The following USH2A variants were observed in gnomAD, a reference collection of about 807,000 sequenced individuals.
The protein encoded by USH2A is Usher syndrome 2A (autosomal recessive, mild).
In USH2A, 443 loss-of-function variants were observed where a neutral mutation model predicts 538.9. The observed-to-expected ratio is 0.82, with a 90% CI of 0.76 to 0.89. The LOEUF (loss-of-function observed/expected upper bound fraction) is 0.89, where lower values mean the gene tolerates loss of function less well. Among genes scored for constraint, USH2A ranks in the 40% least tolerant of loss-of-function variants. The probability of loss-of-function intolerance (pLI) is 0.00; values close to 1 mark genes in which losing one functional copy is unlikely to be tolerated. For missense variants in USH2A, 6,633 were observed against 6,324.8 expected, an observed-to-expected ratio of 1.05 and a Z score of -1.65; for synonymous variants, 2,413 against 2,273.5, an observed-to-expected ratio of 1.06 and a Z score of -1.75.
Position 216,327,587 on chromosome 1 carries a change from T to A in USH2A, c.848+4A>T. 1 of 1,613,144 alleles carries A rather than the reference T, an allele frequency of 6.2e-7. No homozygotes were observed. Among genetic ancestry groups the A allele is most frequent in the Non-Finnish European group, 8.5e-7 (1 of 1,179,414 alleles). Reference sequence around the variant, plus strand: ...TTGAGGTTTACAATGCAACATCTGCTTACCTGTTTGTAAGTGCCACTTGGT... The same window carrying A: ...TTGAGGTTTACAATGCAACATCTGCATACCTGTTTGTAAGTGCCACTTGGT... On this transcript the variant is annotated splice_donor_region_variant and intron_variant, in intron 5 of 71. Coordinates refer to ENST00000307340, the MANE Select transcript of USH2A (RefSeq NM_206933.4).
chr1:215,664,164 G>A (rs1285592782), intron 64 of USH2A, among the ~76,000 whole-genome samples: 1 of 152,170 alleles, frequency 6.6e-6, no homozygotes, highest in Non-Finnish European at 1.5e-5. Flanking sequence ...GTTACTTGTA[G>A]TGAAATAGTC....
intron 33 of USH2A, among the ~76,000 whole-genome samples, chr1:215,999,725 C>T (rs765603336): frequency 6.6e-5 from 10 of 152,202 alleles, no homozygotes; most frequent in Non-Finnish European, 1.3e-4. Context: ...CGTGGCTTGG[C>T]TTAGGGGCAC....
chr1:215,696,247 A>T (rs1658803717), intron 61 of USH2A, among the ~76,000 whole-genome samples: 1 of 152,238 alleles, frequency 6.6e-6, no homozygotes, highest in South Asian at 2.1e-4. Flanking sequence ...AAAGGTCTTC[A>T]TCCTTGCCAT....
chr1:216,193,273 C>A (rs753697602), intron 19 of USH2A, among the ~76,000 whole-genome samples: 3 of 152,070 alleles, frequency 2.0e-5, no homozygotes, highest in Admixed American at 6.6e-5. Context: ...TATACCAGAT[C>A]GGTAGACTAA....
intron 37 of USH2A, among the ~76,000 whole-genome samples, chr1:215,949,812 A>T (rs1666868564): frequency 6.6e-6 from 1 of 152,146 alleles, no homozygotes. Context: ...TTAAAATTGT[A>T]ATGACTAAGA....
At chr1:216,003,097 CGTTT>C (rs1558205483) in intron 32 of USH2A, among the ~76,000 whole-genome samples, 3 of 151,874 alleles carry the variant, frequency 2.0e-5, no homozygotes, top group Non-Finnish European at 2.9e-5. Context: ...GGGAAGTGTC[CGTTT>C]CTATAACAAC....
intron 55 of USH2A, among the ~76,000 whole-genome samples, chr1:215,772,571 CA>C (rs1661322215): frequency 6.6e-6 from 1 of 152,104 alleles, no homozygotes; most frequent in Non-Finnish European, 1.5e-5. Flanking sequence ...AAAGGGACTG[CA>C]AAAAGTCTGC....
At chr1:215,898,278 C>G (rs1245123789) in intron 40 of USH2A, among the ~76,000 whole-genome samples, 2 of 152,176 alleles carry the variant, frequency 1.3e-5, no homozygotes, top group Non-Finnish European at 2.9e-5. Context: ...TAATACCACT[C>G]ACTTTAAACT....
chr1:216,320,117 TC>T (rs2037578258), intron 9 of USH2A, among the ~76,000 whole-genome samples: 1 of 152,128 alleles, frequency 6.6e-6, no homozygotes, highest in Non-Finnish European at 1.5e-5. Context: ...TGAAATGTGA[TC>T]CCCAGTGTTG....
At chr1:216,094,645 T>G (rs2032394557) in intron 22 of USH2A, among the ~76,000 whole-genome samples, 1 of 152,238 alleles carries the variant, frequency 6.6e-6, no homozygotes, top group Non-Finnish European at 1.5e-5. Flanking sequence ...TTTTTCCTTT[T>G]GGCTAGATTA....
At chr1:215,778,446 C>T (rs970627552) in intron 55 of USH2A, among the ~76,000 whole-genome samples, 3 of 152,118 alleles carry the variant, frequency 2.0e-5, no homozygotes, top group Admixed American at 6.5e-5. Context: ...TGCAGGTTTA[C>T]GGCCCTTTTG....
chr1:215,950,594 A>G (rs1022947490), intron 37 of USH2A, among the ~76,000 whole-genome samples: 2 of 151,032 alleles, frequency 1.3e-5, no homozygotes, highest in African/African-American at 4.9e-5. Context: ...ACAATCTCCA[A>G]ATCCTGGGTT....
chr1:216,013,246 T>G lies in USH2A; in HGVS notation c.6326-12684A>C, dbSNP rs539085667. ...ATAATTCTAAATGACAAATGTTTCT[T>G]CTAACAACCCCACAATATCACCCCT... On this transcript the variant is annotated intron_variant, in intron 32 of 71. Coordinates refer to ENST00000307340, the MANE Select transcript of USH2A (RefSeq NM_206933.4). Among the ~76,000 whole-genome samples, 963 of 149,970 alleles carry G rather than the reference T, an allele frequency of 6.4e-3. 14 individuals are homozygous for G. The highest frequency in any genetic ancestry group is 0.022 in the African/African-American group (898 of 40,838).
At chr1:216,385,084 A>G (rs1015460140) in intron 3 of USH2A, among the ~76,000 whole-genome samples, 2 of 152,240 alleles carry the variant, frequency 1.3e-5, no homozygotes, top group African/African-American at 4.8e-5. Flanking sequence ...AAATTGATGC[A>G]AGGTTTGCAA....
intron 21 of USH2A, among the ~76,000 whole-genome samples, chr1:216,128,355 T>C (rs1389780535): frequency 6.6e-6 from 1 of 152,106 alleles, no homozygotes; most frequent in Non-Finnish European, 1.5e-5. Context: ...AAGTATGGAT[T>C]TGAATTCACG....
chr1:215,728,556 C>A (rs1446735338), intron 60 of USH2A, among the ~76,000 whole-genome samples, 172 bp from the exon 61 acceptor site: 1 of 145,090 alleles, frequency 6.9e-6, no homozygotes, highest in Non-Finnish European at 1.5e-5. Flanking sequence ...AGTGGCCTAA[C>A]TCCATATCAT....
intron 64 of USH2A, among the ~76,000 whole-genome samples, chr1:215,665,532 T>C (rs1044904921): frequency 1.5e-4 from 23 of 152,172 alleles, no homozygotes; most frequent in African/African-American, 5.1e-4. Flanking sequence ...AGAGTATGAA[T>C]ATGAATGCAC....
chr1:215,981,068 A>G (rs1049200462), intron 35 of USH2A, among the ~76,000 whole-genome samples: 2 of 152,096 alleles, frequency 1.3e-5, no homozygotes, highest in Admixed American at 6.6e-5. Flanking sequence ...GTGAGTTCTC[A>G]TTGTTCTATA....
chr1:215,974,834 T>C (rs1212661350), intron 35 of USH2A, among the ~76,000 whole-genome samples: 1 of 152,170 alleles, frequency 6.6e-6, no homozygotes, highest in Admixed American at 6.6e-5. Flanking sequence ...GAATGATTTG[T>C]TTTCCTTTGG....
Sources: allele counts gnomAD v4.1 joint callset (sites outside exome capture counted in the v4.1 genomes callset), GRCh38; gene constraint gnomAD v4.1.1; transcripts MANE v1.5; gene names NCBI Gene and HGNC (gene_info 2026-07-23, HGNC 2026-07-21).